NHS: variants seen among roughly 807,000 people sequenced by gnomAD.
The protein encoded by NHS is NHS actin remodeling regulator, also known as actin remodeling regulator NHS.
NHS carries 5 observed loss-of-function variants against 72.5 expected under a neutral mutation model. The observed-to-expected ratio is 0.07, with a 90% CI of 0.04 to 0.14. The LOEUF is 0.14. Among genes scored for constraint, NHS ranks in the 10% least tolerant of loss-of-function variants. The pLI is 1.00. For synonymous variants in NHS, 464 were observed against 547.7 expected (o/e 0.85, Z 2.13); for missense variants, 1,072 against 1,355.7 (o/e 0.79, Z 3.29).
intron 1 of NHS, among the ~76,000 whole-genome samples, chrX:17,665,030 CATAA>C (rs982025088): frequency 9.2e-6 from 1 of 108,815 alleles, no homozygotes; most frequent in African/African-American, 3.3e-5. Context: ...TATAATAATA[CATAA>C]ATAATATATA....
chrX:17,678,716 A>G (rs2066102850), intron 1 of NHS, among the ~76,000 whole-genome samples: 1 of 110,859 alleles, frequency 9.0e-6, no homozygotes, highest in Non-Finnish European at 1.9e-5. Flanking sequence ...AGGGACACAC[A>G]TCCAAACCAT....
intron 3 of NHS, among the ~76,000 whole-genome samples, chrX:17,693,601 T>C (rs2066210155): frequency 8.9e-6 from 1 of 112,658 alleles, no homozygotes; most frequent in African/African-American, 3.2e-5. Context: ...ACAGACTTTA[T>C]CTAAATGAAC....
intron 1 of NHS, among the ~76,000 whole-genome samples, chrX:17,561,574 GCACACACACACACA>G (rs530971006): frequency 7.8e-4 from 51 of 65,394 alleles, no homozygotes; most frequent in South Asian, 1.2e-3. Context: ...GCGCGCGCGC[GCACACACACACACA>G]CACACACACA....
chrX:17,549,943 T>C (rs1483677069), intron 1 of NHS, among the ~76,000 whole-genome samples: 4 of 111,251 alleles, frequency 3.6e-5, no homozygotes, highest in Non-Finnish European at 7.5e-5. Flanking sequence ...CAACGAGGGA[T>C]TTGGAAGAAA....
rs530971006 is a variant in NHS at position 17,561,574 on chromosome X, G to GCACACACACACACACA, written c.566-126137_566-126122dup. Among the ~76,000 whole-genome samples, 62 of 65,396 alleles carry GCACACACACACACACA rather than the reference G, an allele frequency of 9.5e-4. 1 individual carries two copies. Among genetic ancestry groups the GCACACACACACACACA allele is most frequent in the East Asian group, 2.9e-3 (5 of 1,704 alleles). The allele number at this position is 65,396 out of a possible 115,157, so 56.8% of individuals were successfully genotyped here. ...CAAGTGCATGCGCGCGCGCGCGCGC[G>GCACACACACACACACA]CACACACACACACACACACACACAC... On this transcript the variant is annotated intron_variant, in intron 1 of 8. Transcript: ENST00000676302.
Position 17,388,294 on chromosome X carries a change from G to A in NHS, c.565+11972G>A, listed in dbSNP as rs201943166. ...AAATAATAAACACAATACATTTGAC[G>A]AAATTACAAAACATGTTAGGAGGTA... On this transcript the variant is annotated intron_variant, in intron 1 of 8. Coordinates refer to ENST00000676302, the MANE Select transcript of NHS (RefSeq NM_001291867.2). Among the ~76,000 whole-genome samples, 16 of 111,579 alleles carry A rather than the reference G, an allele frequency of 1.4e-4. No homozygotes were observed. In the East Asian group the frequency reaches 2.5e-3, roughly 18 times the overall value.
Position 17,445,744 on chromosome X carries a change from TA to T in NHS, c.565+69434del, listed in dbSNP as rs745406801. ...GCTGAGGTCTCGACTTACTCACTGCTAAAAAAAAAAAAGGGGGGGGGGACTC... is the reference window on the plus strand; with the variant it reads ...GCTGAGGTCTCGACTTACTCACTGCTAAAAAAAAAAAGGGGGGGGGGACTC... On this transcript the variant is annotated intron_variant, in intron 1 of 8. Coordinates refer to ENST00000676302, the MANE Select transcript of NHS (RefSeq NM_001291867.2). Among the ~76,000 whole-genome samples, 371 of 57,165 alleles carry T rather than the reference TA, an allele frequency of 6.5e-3. 2 individuals are homozygous for T. Among genetic ancestry groups the T allele is most frequent in the East Asian group, 0.019 (29 of 1,490 alleles). 49.6% of individuals were successfully genotyped at this position (57,165 alleles called of 115,157 possible).
At chrX:17,693,204 G>A (rs1464775281) in intron 3 of NHS, among the ~76,000 whole-genome samples, 1 of 112,210 alleles carries the variant, frequency 8.9e-6, no homozygotes, top group Non-Finnish European at 1.9e-5. Flanking sequence ...GGTCACAGAT[G>A]ATGAAGCTGA....
At chrX:17,603,710 C>T (rs964678519) in intron 1 of NHS, among the ~76,000 whole-genome samples, 2 of 112,246 alleles carry the variant, frequency 1.8e-5, no homozygotes, top group African/African-American at 6.5e-5. Context: ...CGTGGCTCAA[C>T]ACCACCTTAA....
intron 1 of NHS, among the ~76,000 whole-genome samples, chrX:17,496,819 A>G (rs1004770810): frequency 1.8e-5 from 2 of 112,008 alleles, no homozygotes; most frequent in African/African-American, 3.2e-5. Context: ...CACCCCCAGG[A>G]TCCCGCTTTC....
At chrX:17,611,787 A>G (rs2065712689) in intron 1 of NHS, among the ~76,000 whole-genome samples, 1 of 111,314 alleles carries the variant, frequency 9.0e-6, no homozygotes, top group Admixed American at 9.5e-5. Flanking sequence ...CCATACTATT[A>G]AGGAGGGGAC....
chrX:17,404,852 A>T (rs956952060), intron 1 of NHS, among the ~76,000 whole-genome samples: 1 of 106,974 alleles, frequency 9.3e-6, no homozygotes, highest in African/African-American at 3.4e-5. Flanking sequence ...ATCTCACTCT[A>T]TTGCAATTAC....
At chrX:17,515,454 A>G (rs2065114749) in intron 1 of NHS, among the ~76,000 whole-genome samples, 1 of 112,243 alleles carries the variant, frequency 8.9e-6, no homozygotes, top group Admixed American at 9.5e-5. Flanking sequence ...TTATAAGTCT[A>G]TTATTCAGTG....
intron 1 of NHS, among the ~76,000 whole-genome samples, chrX:17,515,663 A>G (rs1442986275): frequency 8.9e-6 from 1 of 112,333 alleles, no homozygotes; most frequent in Non-Finnish European, 1.9e-5. Context: ...CATGGTTTGG[A>G]TAATTATAAT....
Position 17,635,443 on chromosome X carries a change from G to A in NHS, c.566-52299G>A, listed in dbSNP as rs887936494. ...TCCTTGCAGAAGGTTGCCCTCTCTC[G>A]CCCTCCATCCCCCCCGCCGTGCTTG... On this transcript the variant is annotated intron_variant, in intron 1 of 8. Transcript: ENST00000676302. The A allele has an allele frequency of 3.7e-5, 43 of 1,162,752 alleles. No individual in the cohort carries two copies. The Admixed American group carries it at 6.8e-4, about 18-fold the overall frequency.
chrX:17,484,952 T>G (rs114290305), intron 1 of NHS, among the ~76,000 whole-genome samples: 6,144 of 111,426 alleles, frequency 0.055, 144 homozygotes, highest in Non-Finnish European at 0.085. Flanking sequence ...TCAGAGTGGA[T>G]GGCAGCAGCA....
At chrX:17,566,089 C>T (rs907833013) in intron 1 of NHS, among the ~76,000 whole-genome samples, 2 of 109,244 alleles carry the variant, frequency 1.8e-5, no homozygotes, top group Admixed American at 9.8e-5. Flanking sequence ...AAGCAATTCT[C>T]CCACCTCAGT....
intron 1 of NHS, among the ~76,000 whole-genome samples, chrX:17,545,175 T>C (rs769287046): frequency 2.7e-5 from 3 of 112,538 alleles, no homozygotes; most frequent in Non-Finnish European, 3.8e-5. Context: ...AAAGCCTGCA[T>C]TGAAGAGTGT....
At chrX:17,591,141 C>T (rs935783494) in intron 1 of NHS, among the ~76,000 whole-genome samples, 1 of 111,785 alleles carries the variant, frequency 8.9e-6, no homozygotes, top group Non-Finnish European at 1.9e-5. Flanking sequence ...AATCCTCTGC[C>T]TCCTGAATAC....
Sources: gnomAD v4.1 joint callset for allele counts (sites outside exome capture counted in the v4.1 genomes callset) on GRCh38, gnomAD v4.1.1 for gene constraint, MANE v1.5 for transcripts, NCBI Gene and HGNC (gene_info 2026-07-23, HGNC 2026-07-21) for gene names.